H6PD: variants seen among roughly 807,000 people sequenced by gnomAD.
H6PD encodes the protein hexose-6-phosphate dehydrogenase/glucose 1-dehydrogenase, also known as GDH/6PGL endoplasmic bifunctional protein.
H6PD carries 48 observed loss-of-function variants against 61.2 expected under a neutral mutation model. The observed-to-expected ratio is 0.78, with a 90% confidence interval of 0.62 to 1.00. The LOEUF (loss-of-function observed/expected upper bound fraction) is 1.00. Ranked by LOEUF, H6PD falls within the 50% of genes least tolerant of loss-of-function variation. The pLI, the probability that H6PD is intolerant of heterozygous loss-of-function variation, is 0.00. For synonymous variants in H6PD, 480 were observed against 457.9 expected (o/e 1.05, Z -0.62); for missense variants, 1,093 against 1,065.0 (o/e 1.03, Z -0.37).
At chr1:9,259,108 C>T (rs1641626919) in intron 3 of H6PD, among the ~76,000 whole-genome samples, 1 of 152,214 alleles carries the variant, frequency 6.6e-6, no homozygotes, top group Non-Finnish European at 1.5e-5. Flanking sequence ...TCTCCTGCCT[C>T]AGCCTCCCAA....
At chr1:9,240,049 C>T in intron 1 of H6PD, 1 of 1,215,894 alleles carries the variant, frequency 8.2e-7, no homozygotes, top group Non-Finnish European at 1.0e-6. Context: ...CTCGTAGGAG[C>T]CTCTCAGGAT....
At chr1:9,261,707 G>A (rs1638304261) in intron 3 of H6PD, among the ~76,000 whole-genome samples, 1 of 152,270 alleles carries the variant, frequency 6.6e-6, no homozygotes, top group Non-Finnish European at 1.5e-5. Context: ...ACAGTGCCGA[G>A]CCTCCTACTG....
chr1:9,256,367 G>T (rs1231917459), intron 3 of H6PD, among the ~76,000 whole-genome samples: 1 of 152,210 alleles, frequency 6.6e-6, no homozygotes, highest in Non-Finnish European at 1.5e-5. Context: ...GCACCCTCTA[G>T]CTCCTGGTTG....
intron 1 of H6PD, among the ~76,000 whole-genome samples, chr1:9,237,525 G>A (rs906028007): frequency 6.6e-6 from 1 of 152,038 alleles, no homozygotes; most frequent in Non-Finnish European, 1.5e-5. Flanking sequence ...AAGCCACTGC[G>A]CCTGGCCATG....
chr1:9,256,737 T>C (rs1272929260), intron 3 of H6PD, among the ~76,000 whole-genome samples: 1 of 152,190 alleles, frequency 6.6e-6, no homozygotes. Flanking sequence ...TACAGAACTA[T>C]GGTATAAGAA....
In H6PD at chr1:9,268,238, CAAAAAAAAA is replaced by C; in HGVS notation, c.*3382_*3390del. 1 of 110,128 alleles carries C rather than the reference CAAAAAAAAA, an allele frequency of 9.1e-6. No homozygotes were observed. Among genetic ancestry groups the C allele is most frequent in the Non-Finnish European group, 1.8e-5 (1 of 54,516 alleles). 6.8% of individuals were successfully genotyped at this position (110,128 alleles called of 1,614,324 possible). A position where few individuals can be genotyped will look rare whatever the true frequency, so the allele number is the denominator to read the frequency against. ...TGGAAAACAGAGTGAGACCCTATCT[CAAAAAAAAA>C]AAAAAAAAAAAAGGAAAGAGTGATG... On this transcript the variant is annotated 3_prime_UTR_variant, in exon 5 of 5. Transcript: ENST00000377403.
At position 9,262,164 on chromosome 1, in the gene H6PD, G is replaced by C. The variant is rs769053721; in HGVS notation, c.851G>C (p.Ser284Thr). ...GCCATGGAGCTGCCCCACAATGTCAGCAGTGCGGAGGCTGTGCTGCGGCAC... is the reference window on the plus strand; with the variant it reads ...GCCATGGAGCTGCCCCACAATGTCACCAGTGCGGAGGCTGTGCTGCGGCAC... ...LVAMELPHNV[S>T]SAEAVLRHKL... Residue 284 changes from serine to threonine, a missense_variant, in exon 4 of 5, where the codon AGC becomes ACC. Coordinates refer to ENST00000377403, the MANE Select transcript of H6PD (RefSeq NM_004285.4). The C allele has an allele frequency of 6.2e-7, 1 of 1,614,266 alleles. No individual in the cohort carries two copies. Among genetic ancestry groups the C allele is most frequent in the Non-Finnish European group, 8.5e-7 (1 of 1,180,048 alleles).
Position 9,261,138 on chromosome 1 carries a change from T to TC in H6PD, c.746-915dup, listed in dbSNP as rs144103508. ...GCCTTCCCTGCATCTGCACCCATTCTCCCCCCAAGACCAGGGGTCGATCCC... is the reference window on the plus strand; with the variant it reads ...GCCTTCCCTGCATCTGCACCCATTCTCCCCCCCAAGACCAGGGGTCGATCCC... On this transcript the variant is annotated intron_variant, in intron 3 of 4. Transcript: ENST00000377403. Among the ~76,000 whole-genome samples, 1,353 of 151,810 alleles carry TC rather than the reference T, an allele frequency of 8.9e-3. 27 individuals are homozygous for TC. Among genetic ancestry groups the TC allele is most frequent in the African/African-American group, 0.031 (1,273 of 41,372 alleles).
rs1638627871 is a variant in H6PD at position 9,268,119 on chromosome 1, G to A, written c.*3250G>A. On this transcript the variant is annotated 3_prime_UTR_variant, in exon 5 of 5. Transcript: ENST00000377403. ...CCAGGTATGGTGGTGCCCTCCTGTG[G>A]TCCCAGCTACTCGGGAGTCTGAGGT... is the stretch of plus-strand genomic sequence containing the variant. 1 of 151,846 alleles carries A rather than the reference G, an allele frequency of 6.6e-6. No homozygotes were observed. Among genetic ancestry groups the A allele is most frequent in the East Asian group, 1.9e-4 (1 of 5,182 alleles). 9.4% of individuals were successfully genotyped at this position (151,846 alleles called of 1,614,324 possible).
At chr1:9,244,230 A>G (rs1641090973) in intron 1 of H6PD, among the ~76,000 whole-genome samples, 1 of 152,182 alleles carries the variant, frequency 6.6e-6, no homozygotes, top group Admixed American at 6.5e-5. Flanking sequence ...CATTATAAGC[A>G]TGAACTCCTT....
In H6PD at chr1:9,263,713, T is replaced by C; in HGVS notation, c.1220T>C (p.Leu407Pro). ...GTCTTCCACATCGGCCATGGCGACCTGGGCAGCCCTGCCGTGCTGGTCAGC... is the reference window on the plus strand; with the variant it reads ...GTCTTCCACATCGGCCATGGCGACCCGGGCAGCCCTGCCGTGCTGGTCAGC... ...QLVFHIGHGD[L>P]GSPAVLVSRN... Residue 407 changes from leucine (L) to proline (P), a missense_variant, in exon 5 of 5, where the codon CTG becomes CCG. Physicochemically the swap from Leu to Pro is moderately conservative, Grantham distance 98 (BLOSUM62 -3). Coordinates refer to ENST00000377403, the MANE Select transcript of H6PD (RefSeq NM_004285.4). 1.2e-6 allele frequency: 2 copies of C among 1,614,002 alleles called. No homozygotes were observed. The highest frequency in any genetic ancestry group is 1.3e-5 in the African/African-American group (1 of 75,064).
rs988711046 is a variant in H6PD at position 9,235,074 on chromosome 1, C to T, written c.-11+8C>T. The T allele has an allele frequency of 6.8e-6, 1 of 148,008 alleles. No homozygotes were observed. Among genetic ancestry groups the T allele is most frequent in the Non-Finnish European group, 1.5e-5 (1 of 66,210 alleles). 9.2% of individuals were successfully genotyped at this position (148,008 alleles called of 1,614,324 possible). ...GCCGCCGCGCGAGAGGAAGTAAGCG[C>T]CCCCCGCCGGCCCCGCCGCCGCCCC... is the stretch of plus-strand genomic sequence containing the variant. On this transcript the variant is annotated splice_region_variant and intron_variant, in intron 1 of 4. Transcript: ENST00000377403.
chr1:9,262,243 G>A lies in H6PD; in HGVS notation c.930G>A (p.Val310=). ...GCCTGCAGAGGGGCAGTGCCGTCGT[G>A]GGCCAGTACCAGTCTTACAGTGAGC... is the stretch of plus-strand genomic sequence containing the variant. ...LRGLQRGSAV[V]GQYQSYSEQV... is the part of the protein sequence containing the mutation. The change falls in exon 4 of 5, where the codon GTG becomes GTA. Residue 310 remains valine (V), a synonymous_variant. Transcript: ENST00000377403. 6.2e-7 allele frequency: 1 copy of A among 1,613,190 alleles called. No individual in the cohort carries two copies. Among genetic ancestry groups the A allele is most frequent in the Non-Finnish European group, 8.5e-7 (1 of 1,179,574 alleles).
chr1:9,242,839 CCT>C, intron 1 of H6PD: 1 of 985,490 alleles, frequency 1.0e-6, no homozygotes, highest in Non-Finnish European at 1.2e-6. Flanking sequence ...TTTCTTGCTG[CCT>C]CTCTCCTGCA....
rs767022254 is a variant in H6PD at position 9,264,164 on chromosome 1, C to T, written c.1671C>T (p.Ser557=). Residue 557 remains serine, a synonymous_variant, in exon 5 of 5, where the codon TCC becomes TCT. Coordinates refer to ENST00000377403, the MANE Select transcript of H6PD (RefSeq NM_004285.4). The stretch of plus-strand genomic sequence containing the variant: ...AGTACCGAGAGAGCCCGCTGGTCTC[C>T]GCCTGGTCCGAGGAGCTGATCTCTA... The part of the protein sequence containing the change: ...RAKYRESPLV[S]AWSEELISKL... 40 of 1,612,714 alleles carry T rather than the reference C, an allele frequency of 2.5e-5. No individual in the cohort carries two copies. The East Asian group carries it at 2.9e-4, about 12-fold the overall frequency.
chr1:9,246,943 G>A (rs184841817), intron 2 of H6PD, 23 bp from the exon 3 acceptor site: 48 of 1,518,478 alleles, frequency 3.2e-5, no homozygotes, highest in East Asian at 9.0e-5. Flanking sequence ...CCTGCAGCAC[G>A]CCCAGTCTTC....
intron 1 of H6PD, chr1:9,242,596 G>T (rs771699700): frequency 3.5e-5 from 34 of 985,376 alleles, no homozygotes; most frequent in Non-Finnish European, 4.1e-5. Flanking sequence ...CCAGGAGTCA[G>T]TTCAGGCCAG....
chr1:9,257,768 A>G (rs1450485376), intron 3 of H6PD, among the ~76,000 whole-genome samples: 1 of 152,232 alleles, frequency 6.6e-6, no homozygotes, highest in Non-Finnish European at 1.5e-5. Flanking sequence ...TGGGTGAACA[A>G]ACAAATCCCA....
intron 1 of H6PD, chr1:9,239,873 A>C: frequency 1.8e-6 from 1 of 548,004 alleles, no homozygotes; most frequent in Non-Finnish European, 2.8e-6. Context: ...CTAGAGCTTC[A>C]GCACAGGCTG....
Sources: gnomAD v4.1 joint callset for allele counts (sites outside exome capture counted in the v4.1 genomes callset) on GRCh38, gnomAD v4.1.1 for gene constraint, MANE v1.5 for transcripts, NCBI Gene and HGNC (gene_info 2026-07-23, HGNC 2026-07-21) for gene names.